The following ATRNL1 variants were observed in gnomAD, a reference collection of about 807,000 sequenced individuals.
ATRNL1 encodes the protein attractin like 1.
In ATRNL1, 95 loss-of-function variants were observed where a neutral mutation model predicts 182.7. The observed-to-expected ratio is 0.52, with a 90% CI of 0.44 to 0.62. The LOEUF is 0.62. ATRNL1 is among the 20% of genes least tolerant of loss of function. The probability of loss-of-function intolerance (pLI) is 0.00; values close to 1 mark genes in which losing one functional copy is unlikely to be tolerated. For synonymous variants in ATRNL1, 576 were observed against 568.3 expected (o/e 1.01, Z -0.19); for missense variants, 1,471 against 1,679.5 (o/e 0.88, Z 2.17).
At chr10:115,923,401 C>G (rs1953126486) in intron 28 of ATRNL1, among the ~76,000 whole-genome samples, 1 of 152,142 alleles carries the variant, frequency 6.6e-6, no homozygotes, top group Non-Finnish European at 1.5e-5. Flanking sequence ...TAAGTTCCCT[C>G]CCTTCGCGCC....
intron 19 of ATRNL1, among the ~76,000 whole-genome samples, chr10:115,381,872 G>A (rs1554951241): frequency 1.3e-5 from 2 of 151,800 alleles, no homozygotes; most frequent in Non-Finnish European, 2.9e-5. Flanking sequence ...GATGTTTAGG[G>A]CATGGTCTGA....
chr10:115,415,504 CTT>C (rs782767524), intron 20 of ATRNL1, among the ~76,000 whole-genome samples: 4 of 143,974 alleles, frequency 2.8e-5, no homozygotes, highest in Admixed American at 6.9e-5. Context: ...ACTAATTGCA[CTT>C]TTTTTTTTTG....
intron 28 of ATRNL1, among the ~76,000 whole-genome samples, chr10:115,909,864 T>C (rs1272773086): frequency 6.6e-6 from 1 of 152,130 alleles, no homozygotes; most frequent in Non-Finnish European, 1.5e-5. Flanking sequence ...TTTGGCATTA[T>C]TAAATCTTAT....
chr10:115,796,015 C>T (rs973404105), intron 27 of ATRNL1, among the ~76,000 whole-genome samples: 1 of 152,096 alleles, frequency 6.6e-6, no homozygotes, highest in African/African-American at 2.4e-5. Context: ...CTTCCCTCCT[C>T]ACTCTGCCTG....
At chr10:115,371,605 A>G (rs1054283362) in intron 19 of ATRNL1, among the ~76,000 whole-genome samples, 5 of 152,192 alleles carry the variant, frequency 3.3e-5, no homozygotes, top group Non-Finnish European at 5.9e-5. Context: ...TGGAACAACT[A>G]TATTTACCGA....
intron 27 of ATRNL1, among the ~76,000 whole-genome samples, chr10:115,817,817 A>G (rs1253766268): frequency 1.3e-5 from 2 of 148,456 alleles, no homozygotes; most frequent in Admixed American, 6.7e-5. Context: ...AATTGAGCCT[A>G]TGACATAGGC....
rs548203302 is a variant in ATRNL1 at position 115,666,351 on chromosome 10, T to G, written c.3796-60897T>G. Among the ~76,000 whole-genome samples, 15 of 152,278 alleles carry G rather than the reference T, an allele frequency of 9.9e-5. No homozygotes were observed. In the South Asian group the frequency reaches 2.9e-3, roughly 29 times the overall value. Reference sequence around the variant, plus strand: ...CTAGTTTATTGTTGCTTTTATGTGTTTGTTTATGCTTTTACTCTGTGTTTG... The same window carrying G: ...CTAGTTTATTGTTGCTTTTATGTGTGTGTTTATGCTTTTACTCTGTGTTTG... On this transcript the variant is annotated intron_variant, in intron 26 of 28. Transcript: ENST00000355044.
intron 27 of ATRNL1, among the ~76,000 whole-genome samples, chr10:115,790,217 C>G (rs112545686): frequency 6.6e-6 from 1 of 151,548 alleles, no homozygotes; most frequent in South Asian, 2.1e-4. Flanking sequence ...CAGCCTCTAC[C>G]CAGTGGTGGC....
chr10:115,137,215 A>C (rs11197077), intron 5 of ATRNL1, among the ~76,000 whole-genome samples: 5 of 152,164 alleles, frequency 3.3e-5, no homozygotes, highest in African/African-American at 4.8e-5. Context: ...GAATGATGGG[A>C]GGTCTTTGGT....
At chr10:115,269,749 T>G (rs1851761843) in intron 13 of ATRNL1, among the ~76,000 whole-genome samples, 1 of 152,144 alleles carries the variant, frequency 6.6e-6, no homozygotes, top group African/African-American at 2.4e-5. Context: ...ACTGAAAGTA[T>G]CTACTTGTTT....
chr10:115,588,247 A>G lies in ATRNL1; in HGVS notation c.3795+38711A>G, dbSNP rs185861054. 1.2e-4 allele frequency among the ~76,000 whole-genome samples: 18 copies of G among 152,200 alleles called. No homozygotes were observed. The East Asian group carries it at 2.3e-3, about 20-fold the overall frequency. On this transcript the variant is annotated intron_variant, in intron 26 of 28. Transcript: ENST00000355044. ...CACCCCCAACTCTCACCTCAGCTCT[A>G]TGCCATGGATGGTGATTTATGTATG...
rs1475293861 is a variant in ATRNL1, at chr10:115,152,911, T to G, written c.830-7129T>G. 4.6e-5 allele frequency among the ~76,000 whole-genome samples: 7 copies of G among 151,052 alleles called. 1 individual carries two copies. Among genetic ancestry groups the G allele is most frequent in the South Asian group, 2.1e-4 (1 of 4,812 alleles). ...CCCATCAATACCGAATTTATTGAGATTTTTTTTAGCATGAAGGGCTGTTGA... is the reference window on the plus strand; with the variant it reads ...CCCATCAATACCGAATTTATTGAGAGTTTTTTTAGCATGAAGGGCTGTTGA... On this transcript the variant is annotated intron_variant, in intron 5 of 28. Coordinates refer to ENST00000355044, the MANE Select transcript of ATRNL1 (RefSeq NM_207303.4).
intron 17 of ATRNL1, among the ~76,000 whole-genome samples, chr10:115,309,037 T>A (rs1853883317): frequency 6.6e-6 from 1 of 152,154 alleles, no homozygotes; most frequent in South Asian, 2.1e-4. Flanking sequence ...TATGTTTCTG[T>A]ATAATTTGCC....
At position 115,384,653 on chromosome 10, in the gene ATRNL1, T is replaced by TC. The variant is rs1464690719; in HGVS notation, c.3176-10005dup. Reference sequence around the variant, plus strand: ...TATGCATTTTTTCTTCATTTTTTTTTCTTCAACCATTAAACATTTTAAAAA... The same window carrying TC: ...TATGCATTTTTTCTTCATTTTTTTTTCCTTCAACCATTAAACATTTTAAAAA... On this transcript the variant is annotated intron_variant, in intron 19 of 28. Transcript: ENST00000355044. 3.3e-5 allele frequency among the ~76,000 whole-genome samples: 5 copies of TC among 152,030 alleles called. No homozygotes were observed. In the South Asian group the frequency reaches 6.2e-4, roughly 19 times the overall value.
intron 24 of ATRNL1, among the ~76,000 whole-genome samples, chr10:115,479,949 C>G (rs781834937): frequency 6.6e-5 from 10 of 151,208 alleles, no homozygotes; most frequent in South Asian, 2.1e-4. Flanking sequence ...TGTTTCTGAG[C>G]AAACTGGCTT....
intron 20 of ATRNL1, among the ~76,000 whole-genome samples, chr10:115,417,396 A>G (rs527627313): frequency 1.3e-5 from 2 of 152,274 alleles, no homozygotes; most frequent in African/African-American, 4.8e-5. Flanking sequence ...TGTGAGTCTG[A>G]GCCTCCTTGA....
intron 28 of ATRNL1, among the ~76,000 whole-genome samples, chr10:115,940,927 AT>A (rs1219374035): frequency 2.0e-5 from 3 of 152,216 alleles, no homozygotes; most frequent in African/African-American, 7.2e-5. Context: ...AGTTATTATG[AT>A]TATTATCCTG....
rs1160504261 is a variant in ATRNL1, at chr10:115,342,873, T to G, written c.3175+8454T>G. Among the ~76,000 whole-genome samples the G allele has an allele frequency of 5.3e-5, 8 of 152,240 alleles. 1 individual carries two copies. Among genetic ancestry groups the G allele is most frequent in the South Asian group, 4.1e-4 (2 of 4,822 alleles). On this transcript the variant is annotated intron_variant, in intron 19 of 28. Coordinates refer to ENST00000355044, the MANE Select transcript of ATRNL1 (RefSeq NM_207303.4). ...TATATATACACTTCAAATATATACA[T>G]TTTAGGATATATATACATTTCAAAT...
Position 115,827,872 on chromosome 10 carries a change from G to T in ATRNL1, c.3904-20005G>T, listed in dbSNP as rs114251458. 7.0e-3 allele frequency among the ~76,000 whole-genome samples: 1,063 copies of T among 152,166 alleles called. 17 individuals are homozygous for T. The highest frequency in any genetic ancestry group is 0.024 in the African/African-American group (1,016 of 41,534). On this transcript the variant is annotated intron_variant, in intron 27 of 28. Coordinates refer to ENST00000355044, the MANE Select transcript of ATRNL1 (RefSeq NM_207303.4). The stretch of plus-strand genomic sequence containing the variant: ...CATGGCTAAAGAATGTTTCCGTGGG[G>T]CTGTCTCTGAAGGCAGTACCCCAGA...
Sources: gnomAD v4.1 joint callset for allele counts (sites outside exome capture counted in the v4.1 genomes callset) on GRCh38, gnomAD v4.1.1 for gene constraint, MANE v1.5 for transcripts, NCBI Gene and HGNC (gene_info 2026-07-23, HGNC 2026-07-21) for gene names.